Variants in GRIK2 observed in about 807,000 individuals in gnomAD.
The protein encoded by GRIK2 is glutamate receptor ionotropic, kainate 2.
In GRIK2, 32 loss-of-function variants were observed where a neutral mutation model predicts 100.3. The observed-to-expected ratio is 0.32, with a 90% CI of 0.24 to 0.43. The LOEUF (loss-of-function observed/expected upper bound fraction) is 0.43. Ranked by LOEUF, GRIK2 falls within the 20% of genes least tolerant of loss-of-function variation. GRIK2 has a pLI of 1.00. For missense variants in GRIK2, 843 were observed against 1,114.9 expected, an observed-to-expected ratio of 0.76 and a Z score of 3.47; for synonymous variants, 417 against 389.4, an observed-to-expected ratio of 1.07 and a Z score of -0.83.
At chr6:101,512,295 CAG>C (rs1025739360) in intron 2 of GRIK2, among the ~76,000 whole-genome samples, 5 of 151,706 alleles carry the variant, frequency 3.3e-5, no homozygotes, top group African/African-American at 9.7e-5. Flanking sequence ...TTGGCTAAAA[CAG>C]AAATAGGTAA....
At chr6:101,968,771 C>A (rs1792858404) in intron 14 of GRIK2, among the ~76,000 whole-genome samples, 1 of 151,920 alleles carries the variant, frequency 6.6e-6, no homozygotes, top group East Asian at 1.9e-4. Flanking sequence ...GAAAAAATCA[C>A]TGTGGCATAC....
intron 2 of GRIK2, among the ~76,000 whole-genome samples, chr6:101,502,562 T>C (rs1334566832): frequency 1.3e-5 from 2 of 152,158 alleles, no homozygotes; most frequent in Non-Finnish European, 2.9e-5. Context: ...TAAGAATATA[T>C]ATGTAATTGC....
intron 4 of GRIK2, among the ~76,000 whole-genome samples, chr6:101,674,458 C>T (rs764481601): frequency 6.6e-6 from 1 of 152,122 alleles, no homozygotes; most frequent in East Asian, 1.9e-4. Context: ...GCAGAGCACT[C>T]CCATGTTCAA....
chr6:102,047,515 C>G (rs188985364), intron 15 of GRIK2, among the ~76,000 whole-genome samples: 3,305 of 151,932 alleles, frequency 0.022, 53 homozygotes, highest in Non-Finnish European at 0.034. Context: ...TTTGGGAGGC[C>G]GAGCTGGATG....
At chr6:101,523,979 C>T (rs1039198911) in intron 2 of GRIK2, among the ~76,000 whole-genome samples, 3 of 152,168 alleles carry the variant, frequency 2.0e-5, no homozygotes, top group Non-Finnish European at 4.4e-5. Context: ...GCCTTGGCCT[C>T]CCACAGTGCT....
At chr6:101,771,212 T>G (rs899581473) in intron 7 of GRIK2, among the ~76,000 whole-genome samples, 1 of 152,044 alleles carries the variant, frequency 6.6e-6, no homozygotes, top group African/African-American at 2.4e-5. Flanking sequence ...AAAAGAAGCA[T>G]ATTAGTTATC....
At chr6:101,445,900 A>G (rs902278055) in intron 2 of GRIK2, among the ~76,000 whole-genome samples, 3 of 152,094 alleles carry the variant, frequency 2.0e-5, no homozygotes, top group Non-Finnish European at 4.4e-5. Flanking sequence ...GCAAATACTT[A>G]GTGAGATAAT....
At chr6:101,979,763 C>A (rs1174224806) in intron 14 of GRIK2, among the ~76,000 whole-genome samples, 1 of 151,942 alleles carries the variant, frequency 6.6e-6, no homozygotes, top group African/African-American at 2.4e-5. Flanking sequence ...TAGACATTTT[C>A]TATATGTTAA....
intron 2 of GRIK2, among the ~76,000 whole-genome samples, chr6:101,503,998 A>T (rs928767811): frequency 2.4e-4 from 37 of 152,294 alleles, no homozygotes; most frequent in East Asian, 3.9e-4. Flanking sequence ...GACTTATCCT[A>T]TAATTTATAC....
At chr6:101,962,326 A>T (rs1482318305) in intron 14 of GRIK2, among the ~76,000 whole-genome samples, 2 of 36,236 alleles carry the variant, frequency 5.5e-5, no homozygotes, top group African/African-American at 1.3e-4. Context: ...GCCTCTAGTC[A>T]GCCATCTTGA....
chr6:101,701,376 C>T (rs767540872), intron 7 of GRIK2, among the ~76,000 whole-genome samples: 13 of 152,004 alleles, frequency 8.6e-5, no homozygotes, highest in South Asian at 2.1e-4. Flanking sequence ...AGGGGTCTTA[C>T]GAATAATGCC....
intron 2 of GRIK2, among the ~76,000 whole-genome samples, chr6:101,499,015 A>G (rs1314435498): frequency 6.6e-6 from 1 of 152,106 alleles, no homozygotes; most frequent in Non-Finnish European, 1.5e-5. Flanking sequence ...TAATGTTTCA[A>G]GCAATGGGGA....
chr6:101,566,210 G>C (rs1264280643), intron 2 of GRIK2, among the ~76,000 whole-genome samples: 2 of 151,618 alleles, frequency 1.3e-5, no homozygotes, highest in Non-Finnish European at 2.9e-5. Context: ...CTGTACAAGT[G>C]TTCTGTCTTC....
At chr6:101,955,607 TCTCTCTCTCC>T (rs915479607) in intron 14 of GRIK2, among the ~76,000 whole-genome samples, 6 of 149,020 alleles carry the variant, frequency 4.0e-5, no homozygotes, top group African/African-American at 1.5e-4. Flanking sequence ...TCTCTCTCTC[TCTCTCTCTCC>T]CCCCCATTTC....
chr6:101,429,840 A>T (rs1769278065), intron 2 of GRIK2, among the ~76,000 whole-genome samples: 1 of 152,184 alleles, frequency 6.6e-6, no homozygotes, highest in African/African-American at 2.4e-5. Flanking sequence ...AATATCTTAC[A>T]TAAATTAAAA....
chr6:101,916,847 T>C (rs1408254940), intron 12 of GRIK2, among the ~76,000 whole-genome samples: 1 of 151,690 alleles, frequency 6.6e-6, no homozygotes, highest in African/African-American at 2.4e-5. Flanking sequence ...TAGTTTATTA[T>C]TTAAATTTGC....
chr6:101,419,618 A>T (rs966078871), intron 2 of GRIK2, among the ~76,000 whole-genome samples: 1 of 152,242 alleles, frequency 6.6e-6, no homozygotes, highest in South Asian at 2.1e-4. Flanking sequence ...CGCAGTATTC[A>T]TTAGTCCCTA....
chr6:101,724,702 T>C (rs897786299), intron 7 of GRIK2, among the ~76,000 whole-genome samples: 6 of 152,008 alleles, frequency 3.9e-5, no homozygotes, highest in Non-Finnish European at 7.4e-5. Context: ...TAATGAAAGA[T>C]GGTCCAGACA....
At chr6:101,421,115 T>A (rs551910405) in intron 2 of GRIK2, among the ~76,000 whole-genome samples, 2 of 152,316 alleles carry the variant, frequency 1.3e-5, no homozygotes, top group Middle Eastern at 3.4e-3. Context: ...AAGAGTACAC[T>A]AAGTCCACTT....
Sources: allele counts gnomAD v4.1 joint callset (sites outside exome capture counted in the v4.1 genomes callset), GRCh38; gene constraint gnomAD v4.1.1; transcripts MANE v1.5; gene names NCBI Gene and HGNC (gene_info 2026-07-23, HGNC 2026-07-21).